The following CACNA2D1 variants were observed in gnomAD, a reference collection of about 807,000 sequenced individuals.
The protein encoded by CACNA2D1 is calcium voltage-gated channel auxiliary subunit alpha2delta 1, also known as voltage-dependent calcium channel subunit alpha-2/delta-1.
Under a neutral mutation model 171.5 loss-of-function variants are expected in CACNA2D1, and 53 were observed. The ratio of observed to expected loss-of-function variants is 0.31; its 90% CI spans 0.25 to 0.39. The LOEUF (loss-of-function observed/expected upper bound fraction) is 0.39. Ranked by LOEUF, CACNA2D1 falls within the 10% of genes least tolerant of loss-of-function variation. The probability of loss-of-function intolerance (pLI) is 1.00; values close to 1 mark genes in which losing one functional copy is unlikely to be tolerated. For synonymous variants in CACNA2D1, 442 were observed against 443.1 expected (o/e 1.00, Z 0.03); for missense variants, 903 against 1,299.8 (o/e 0.69, Z 4.69).
chr7:81,976,654 G>T (rs2130542741), intron 24 of CACNA2D1, among the ~76,000 whole-genome samples: 1 of 152,156 alleles, frequency 6.6e-6, no homozygotes, highest in Non-Finnish European at 1.5e-5. Context: ...AGAGTTTCAG[G>T]CCAGCCTGGC....
At chr7:82,438,858 A>G (rs1830291480) in intron 1 of CACNA2D1, among the ~76,000 whole-genome samples, 1 of 152,210 alleles carries the variant, frequency 6.6e-6, no homozygotes, top group South Asian at 2.1e-4. Context: ...AATAGAAATA[A>G]TGGACCGTTG....
chr7:82,102,628 C>CAGT (rs1278333720), intron 6 of CACNA2D1, among the ~76,000 whole-genome samples: 1 of 152,054 alleles, frequency 6.6e-6, no homozygotes, highest in Non-Finnish European at 1.5e-5. Context: ...GGGCAGTCTG[C>CAGT]AGTATGTTTT....
chr7:82,004,821 T>C (rs1323577815), intron 18 of CACNA2D1, among the ~76,000 whole-genome samples: 1 of 152,196 alleles, frequency 6.6e-6, no homozygotes, highest in African/African-American at 2.4e-5. Flanking sequence ...ATCTTGTATC[T>C]TGAGAAAATA....
intron 36 of CACNA2D1, among the ~76,000 whole-genome samples, chr7:81,961,410 T>TGAGAGAAGA (rs1794100077): frequency 1.3e-5 from 2 of 152,056 alleles, no homozygotes; most frequent in Non-Finnish European, 1.5e-5. Context: ...GTTCTTCAAG[T>TGAGAGAAGA]CAGAGAAGAC....
At chr7:82,177,537 G>A (rs1379740925) in intron 3 of CACNA2D1, among the ~76,000 whole-genome samples, 1 of 152,054 alleles carries the variant, frequency 6.6e-6, no homozygotes, top group African/African-American at 2.4e-5. Flanking sequence ...TGAAGGTTTT[G>A]GAAAGTTAAG....
intron 3 of CACNA2D1, among the ~76,000 whole-genome samples, chr7:82,254,629 C>T (rs1028653073): frequency 7.2e-5 from 11 of 152,094 alleles, no homozygotes; most frequent in African/African-American, 2.7e-4. Flanking sequence ...GCATTTACAT[C>T]CCTTTAGGTT....
chr7:82,244,133 A>T (rs1804640270), intron 3 of CACNA2D1, among the ~76,000 whole-genome samples: 1 of 152,174 alleles, frequency 6.6e-6, no homozygotes, highest in South Asian at 2.1e-4. Context: ...CTTCAAAGAC[A>T]TTAAACTTCT....
chr7:82,320,289 C>A (rs1445497387), intron 3 of CACNA2D1, among the ~76,000 whole-genome samples: 1 of 151,742 alleles, frequency 6.6e-6, no homozygotes, highest in South Asian at 2.1e-4. Flanking sequence ...GTAACTTGGT[C>A]GCTGTCATTT....
At chr7:82,145,857 A>T (rs1365310040) in intron 4 of CACNA2D1, among the ~76,000 whole-genome samples, 1 of 151,008 alleles carries the variant, frequency 6.6e-6, no homozygotes, top group Non-Finnish European at 1.5e-5. Flanking sequence ...ATATAAATTT[A>T]AAATTATTAT....
intron 1 of CACNA2D1, among the ~76,000 whole-genome samples, chr7:82,390,545 T>A (rs566124875): frequency 6.6e-6 from 1 of 152,264 alleles, no homozygotes; most frequent in East Asian, 1.9e-4. Context: ...AAGTCAATTA[T>A]CGAAGAAGCT....
intron 12 of CACNA2D1, chr7:82,029,599 A>T (rs1372749259): frequency 6.6e-6 from 1 of 151,754 alleles, no homozygotes; most frequent in African/African-American, 2.4e-5. Flanking sequence ...TTACTTCTCA[A>T]CCATCTGTTG....
rs35616922 is a variant in CACNA2D1 at position 81,980,172 on chromosome 7, C to CAAAAAAAAA, written c.1955+2386_1955+2394dup. Reference sequence around the variant, plus strand: ...AAAAGAAGGTAAAACTAAAACCAAGCAAAAAAAAAAAAAAAAAAAAAAAAA... The same window carrying CAAAAAAAAA: ...AAAAGAAGGTAAAACTAAAACCAAGCAAAAAAAAAAAAAAAAAAAAAAAAAAAAAAAAAA... On this transcript the variant is annotated intron_variant, in intron 24 of 38. Coordinates refer to ENST00000356860, the MANE Select transcript of CACNA2D1 (RefSeq NM_000722.4). Among the ~76,000 whole-genome samples, 34 of 25,254 alleles carry CAAAAAAAAA rather than the reference C, an allele frequency of 1.3e-3. 1 individual carries two copies. The highest frequency in any genetic ancestry group is 3.3e-3 in the African/African-American group (21 of 6,460). The allele number at this position is 25,254 out of a possible 152,430, so 16.6% of individuals were successfully genotyped here. A position where few individuals can be genotyped will look rare whatever the true frequency, so the allele number is the denominator to read the frequency against.
chr7:82,317,979 A>G (rs1228392239), intron 3 of CACNA2D1, among the ~76,000 whole-genome samples: 1 of 151,366 alleles, frequency 6.6e-6, no homozygotes, highest in Non-Finnish European at 1.5e-5. Context: ...GCCCTCTCAT[A>G]TGATGCCTCT....
chr7:82,364,878 T>C (rs2129447588), intron 1 of CACNA2D1, among the ~76,000 whole-genome samples: 1 of 152,278 alleles, frequency 6.6e-6, no homozygotes, highest in East Asian at 1.9e-4. Context: ...TGCAAGAGAC[T>C]CTGTTGTGTT....
chr7:82,342,777 G>T (rs183520984), intron 2 of CACNA2D1, among the ~76,000 whole-genome samples: 2 of 152,228 alleles, frequency 1.3e-5, no homozygotes, highest in Admixed American at 1.3e-4. Context: ...AAAGAGATCA[G>T]AATGGGTGTA....
At chr7:82,152,625 G>T (rs749733318) in intron 4 of CACNA2D1, among the ~76,000 whole-genome samples, 9 of 151,828 alleles carry the variant, frequency 5.9e-5, no homozygotes, top group Non-Finnish European at 1.0e-4. Flanking sequence ...ATTCAATATT[G>T]TTGCAGAAAT....
intron 4 of CACNA2D1, among the ~76,000 whole-genome samples, chr7:82,158,176 G>A (rs1224684747): frequency 1.3e-5 from 2 of 151,718 alleles, no homozygotes; most frequent in Non-Finnish European, 2.9e-5. Context: ...ACAAACATAT[G>A]TAAACTATAT....
At chr7:82,191,271 C>A (rs1264766071) in intron 3 of CACNA2D1, among the ~76,000 whole-genome samples, 1 of 151,726 alleles carries the variant, frequency 6.6e-6, no homozygotes, top group African/African-American at 2.4e-5. Flanking sequence ...ATCTTTGCAT[C>A]TATTCAATAT....
intron 1 of CACNA2D1, among the ~76,000 whole-genome samples, chr7:82,386,771 T>C (rs968928865): frequency 6.8e-6 from 1 of 146,668 alleles, no homozygotes; most frequent in South Asian, 2.1e-4. Context: ...AATAAATAAA[T>C]AAATAAATAA....
Sources: gnomAD v4.1 joint callset for allele counts (sites outside exome capture counted in the v4.1 genomes callset) on GRCh38, gnomAD v4.1.1 for gene constraint, MANE v1.5 for transcripts, NCBI Gene and HGNC (gene_info 2026-07-23, HGNC 2026-07-21) for gene names.